The following EDIL3 variants were observed in gnomAD, a reference collection of about 807,000 sequenced individuals.
EDIL3 encodes the protein EGF like and discoidin domains 3.
EDIL3 carries 37 observed loss-of-function variants against 67.4 expected under a neutral mutation model. The observed-to-expected ratio is 0.55, with a 90% CI of 0.42 to 0.72. The LOEUF is 0.72. Among genes scored for constraint, EDIL3 ranks in the 30% least tolerant of loss-of-function variants. The pLI is 0.00. For synonymous variants in EDIL3, 195 were observed against 196.3 expected (o/e 0.99, Z 0.05); for missense variants, 527 against 586.3 (o/e 0.90, Z 1.04).
chr5:84,204,717 A>G (rs1258815850), intron 3 of EDIL3, among the ~76,000 whole-genome samples: 1 of 151,530 alleles, frequency 6.6e-6, no homozygotes, highest in African/African-American at 2.4e-5. Context: ...TTGAAGTAAC[A>G]TATTAGTGAT....
intron 9 of EDIL3, among the ~76,000 whole-genome samples, chr5:84,020,045 C>G (rs963082657): frequency 7.8e-6 from 1 of 127,932 alleles, no homozygotes; most frequent in African/African-American, 2.9e-5. Context: ...TAATGAATAT[C>G]AGTGCATTAA....
chr5:84,025,245 G>C (rs1476859128), intron 9 of EDIL3, among the ~76,000 whole-genome samples: 3 of 152,052 alleles, frequency 2.0e-5, no homozygotes, highest in Non-Finnish European at 4.4e-5. Context: ...AACCAGTACT[G>C]GTCAGTGGCC....
chr5:83,984,779 C>T (rs1409669885), intron 9 of EDIL3, among the ~76,000 whole-genome samples: 1 of 152,028 alleles, frequency 6.6e-6, no homozygotes, highest in Non-Finnish European at 1.5e-5. Context: ...TCGTCTGCTT[C>T]ACCACTGTTC....
chr5:84,383,972 C>T (rs1748157368), intron 1 of EDIL3, among the ~76,000 whole-genome samples: 1 of 152,158 alleles, frequency 6.6e-6, no homozygotes, highest in South Asian at 2.1e-4. Flanking sequence ...ATCGCCCGCA[C>T]TGCCTAGGGA....
At chr5:84,121,078 G>A (rs182930311) in intron 5 of EDIL3, among the ~76,000 whole-genome samples, 4 of 151,936 alleles carry the variant, frequency 2.6e-5, no homozygotes, top group South Asian at 2.1e-4. Context: ...TACAGTATAC[G>A]TTATCTGTAC....
chr5:84,362,655 A>C (rs1054394728), intron 1 of EDIL3, among the ~76,000 whole-genome samples: 1 of 152,182 alleles, frequency 6.6e-6, no homozygotes, highest in Non-Finnish European at 1.5e-5. Context: ...TGCACAAACA[A>C]TTCATCCTGG....
chr5:84,032,476 C>A (rs1027897631), intron 9 of EDIL3, among the ~76,000 whole-genome samples: 15 of 152,072 alleles, frequency 9.9e-5, no homozygotes, highest in African/African-American at 2.9e-4. Flanking sequence ...GCATACAGAG[C>A]AAATATAAGA....
chr5:84,256,152 T>TATCTATCTATC (rs1561236925), intron 1 of EDIL3, among the ~76,000 whole-genome samples: 128 of 146,372 alleles, frequency 8.7e-4, no homozygotes, highest in African/African-American at 3.1e-3. Flanking sequence ...ATCTATCATC[T>TATCTATCTATC]ATCTATCTAT....
At chr5:84,042,765 G>A (rs1385945523) in intron 9 of EDIL3, among the ~76,000 whole-genome samples, 3 of 152,018 alleles carry the variant, frequency 2.0e-5, no homozygotes, top group Non-Finnish European at 4.4e-5. Flanking sequence ...AATCTGTAAC[G>A]CAAAAAATAA....
At chr5:84,070,549 T>G (rs1370093380) in intron 6 of EDIL3, among the ~76,000 whole-genome samples, 1 of 152,016 alleles carries the variant, frequency 6.6e-6, no homozygotes, top group Non-Finnish European at 1.5e-5. Context: ...AAGATAATTT[T>G]GCAAACAACT....
At chr5:84,109,649 A>G (rs1275911977) in intron 5 of EDIL3, among the ~76,000 whole-genome samples, 1 of 152,260 alleles carries the variant, frequency 6.6e-6, no homozygotes, top group East Asian at 1.9e-4. Flanking sequence ...CAAATTTACA[A>G]GTATCACCAG....
At chr5:83,968,595 T>A (rs1580257448) in intron 9 of EDIL3, among the ~76,000 whole-genome samples, 1 of 152,126 alleles carries the variant, frequency 6.6e-6, no homozygotes, top group Non-Finnish European at 1.5e-5. Context: ...ATCATTCAGC[T>A]GTGAGTTTTG....
In EDIL3 at chr5:84,173,439, AC is replaced by A. The variant is rs960570598; in HGVS notation, c.355+6953del. On this transcript the variant is annotated intron_variant, in intron 4 of 10. Transcript: ENST00000296591. ...AGGTAGCCTGTATGAAGAGTCACCA[AC>A]TCCCCTGCACCCACTGGAAGCAGAC... Among the ~76,000 whole-genome samples, 4 of 151,804 alleles carry A rather than the reference AC, an allele frequency of 2.6e-5. No individual in the cohort carries two copies. The East Asian group carries it at 7.8e-4, about 29-fold the overall frequency.
chr5:83,953,460 G>A (rs1233440980), intron 10 of EDIL3, among the ~76,000 whole-genome samples: 2 of 151,596 alleles, frequency 1.3e-5, no homozygotes, highest in Non-Finnish European at 3.0e-5. Context: ...TATGGCTATT[G>A]GGGTATTACC....
At chr5:84,378,852 G>C (rs1294052782) in intron 1 of EDIL3, among the ~76,000 whole-genome samples, 1 of 152,306 alleles carries the variant, frequency 6.6e-6, no homozygotes, top group East Asian at 1.9e-4. Context: ...CTTCAGGTTT[G>C]GTAGGCAGAG....
intron 4 of EDIL3, among the ~76,000 whole-genome samples, chr5:84,178,717 TCTG>T (rs1748963415): frequency 6.6e-6 from 1 of 152,186 alleles, no homozygotes; most frequent in Admixed American, 6.5e-5. Context: ...AATCTGGGTT[TCTG>T]CTTCCAAATC....
At chr5:84,254,759 T>G (rs1745095201) in intron 1 of EDIL3, among the ~76,000 whole-genome samples, 1 of 152,188 alleles carries the variant, frequency 6.6e-6, no homozygotes, top group Non-Finnish European at 1.5e-5. Flanking sequence ...GTGAATGAAT[T>G]CAGGCTAGCT....
intron 1 of EDIL3, among the ~76,000 whole-genome samples, chr5:84,332,036 G>A (rs73144534): frequency 2.8e-3 from 433 of 152,176 alleles, no homozygotes; most frequent in African/African-American, 0.01. Flanking sequence ...TCTGACTGAT[G>A]GAAGATCAGT....
intron 9 of EDIL3, among the ~76,000 whole-genome samples, chr5:84,032,666 G>A (rs1395231402): frequency 6.6e-6 from 1 of 152,104 alleles, no homozygotes; most frequent in African/African-American, 2.4e-5. Flanking sequence ...AAACATCCAG[G>A]AAAATCTGAA....
Sources: gnomAD v4.1 joint callset for allele counts (sites outside exome capture counted in the v4.1 genomes callset) on GRCh38, gnomAD v4.1.1 for gene constraint, MANE v1.5 for transcripts, NCBI Gene and HGNC (gene_info 2026-07-23, HGNC 2026-07-21) for gene names.